The following RABGAP1 variants were observed in gnomAD, a reference collection of about 807,000 sequenced individuals.
RABGAP1 encodes the protein RAB GTPase activating protein 1, also known as rab GTPase-activating protein 1.
A neutral mutation model predicts 137.6 loss-of-function variants in RABGAP1; 23 were observed. That is an observed-to-expected ratio of 0.17 (90% CI 0.12 to 0.24). The LOEUF (loss-of-function observed/expected upper bound fraction) is 0.24, where lower values mean the gene tolerates loss of function less well. RABGAP1 is among the 10% of genes least tolerant of loss of function. RABGAP1 has a pLI of 1.00. For synonymous variants in RABGAP1, 451 were observed against 450.7 expected, an observed-to-expected ratio of 1.00 and a Z score of -0.01; for missense variants, 906 against 1,275.8, an observed-to-expected ratio of 0.71 and a Z score of 4.42.
In RABGAP1 at chr9:122,996,539, G is replaced by A. The variant is rs1158331137; in HGVS notation, c.1035G>A (p.Arg345=). The change falls in exon 8 of 26, where the codon AGG becomes AGA. Residue 345 remains arginine (R), a splice_region_variant and synonymous_variant. Coordinates refer to ENST00000373647, the MANE Select transcript of RABGAP1 (RefSeq NM_012197.4). The part of the protein sequence containing the change: ...QTTNKELAIE[R]CFGLLLSPGK... Reference sequence around the variant, plus strand: ...ATTTATGTCAGTTCTTTTTTTGTAGGTGTTTTGGTCTTCTCCTTAGTCCAG... The same window carrying A: ...ATTTATGTCAGTTCTTTTTTTGTAGATGTTTTGGTCTTCTCCTTAGTCCAG... 1 of 1,600,646 alleles carries A rather than the reference G, an allele frequency of 6.2e-7. No individual in the cohort carries two copies. Among genetic ancestry groups the A allele is most frequent in the Non-Finnish European group, 8.5e-7 (1 of 1,174,604 alleles).
chr9:123,046,959 A>T (rs1261262588), intron 13 of RABGAP1, among the ~76,000 whole-genome samples: 1 of 152,212 alleles, frequency 6.6e-6, no homozygotes, highest in Non-Finnish European at 1.5e-5. Flanking sequence ...ATAGTGACAG[A>T]GTTAATTATT....
At chr9:123,020,848 T>G in intron 13 of RABGAP1, 1 of 813,026 alleles carries the variant, frequency 1.2e-6, no homozygotes, top group South Asian at 5.6e-5. Context: ...CTTCTGCAAC[T>G]GTAAGAAAAT....
the RABGAP1 span, among the ~76,000 whole-genome samples, chr9:122,933,058 G>A: frequency 5.9e-5 from 9 of 152,076 alleles, no homozygotes; most frequent in African/African-American, 2.2e-4. Context: ...GCTCTTGCTG[G>A]GTGGAATGTT....
intron 21 of RABGAP1, among the ~76,000 whole-genome samples, chr9:123,091,369 C>G (rs2035027574): frequency 6.6e-6 from 1 of 152,144 alleles, no homozygotes; most frequent in South Asian, 2.1e-4. Flanking sequence ...TGTACTCATG[C>G]ATTTCCTTGA....
intron 13 of RABGAP1, among the ~76,000 whole-genome samples, chr9:123,036,873 T>C (rs1392265677): frequency 6.6e-6 from 1 of 152,146 alleles, no homozygotes. Flanking sequence ...ATAATTCTTC[T>C]ATAGAATTAT....
At chr9:123,029,083 C>G (rs572052525) in intron 13 of RABGAP1, among the ~76,000 whole-genome samples, 2 of 152,006 alleles carry the variant, frequency 1.3e-5, no homozygotes, top group Non-Finnish European at 2.9e-5. Flanking sequence ...ATAATTTCAA[C>G]TTGGATTGGG....
In RABGAP1 at chr9:122,949,148, G is replaced by C. The variant is rs1834091995; in HGVS notation, c.-49-7863G>C. 2.0e-5 allele frequency among the ~76,000 whole-genome samples: 3 copies of C among 152,176 alleles called. No individual in the cohort carries two copies. The South Asian group carries it at 6.2e-4, about 31-fold the overall frequency. Reference sequence around the variant, plus strand: ...CCCAGCACTTGGGGAGGCTGAGGCAGGTGGATCATTTGAGGTCAGGAGTTT... The same window carrying C: ...CCCAGCACTTGGGGAGGCTGAGGCACGTGGATCATTTGAGGTCAGGAGTTT... On this transcript the variant is annotated intron_variant, in intron 1 of 25. Coordinates refer to ENST00000373647, the MANE Select transcript of RABGAP1 (RefSeq NM_012197.4).
At position 123,103,999 on chromosome 9, in the gene RABGAP1, G is replaced by GTGTGTGTGTATGTA. The variant is rs1554734427; in HGVS notation, c.*787_*788insGTGTGTGTATGTAT. 1.7e-5 allele frequency: 2 copies of GTGTGTGTGTATGTA among 120,064 alleles called. No homozygotes were observed. Among genetic ancestry groups the GTGTGTGTGTATGTA allele is most frequent in the African/African-American group, 2.8e-5 (1 of 36,296 alleles). The allele number at this position is 120,064 out of a possible 1,614,324, so 7.4% of individuals were successfully genotyped here. Reference sequence around the variant, plus strand: ...TGTGTGTGTGTGTGTGTGTGTGTATGTATATATATATATAAATATCTTTCC... The same window carrying GTGTGTGTGTATGTA: ...TGTGTGTGTGTGTGTGTGTGTGTATGTGTGTGTGTATGTATATATATATATATAAATATCTTTCC... On this transcript the variant is annotated 3_prime_UTR_variant, in exon 26 of 26. Transcript: ENST00000373647.
intron 13 of RABGAP1, chr9:123,034,331 G>T: frequency 1.9e-6 from 1 of 535,792 alleles, no homozygotes; most frequent in Non-Finnish European, 3.3e-6. Context: ...CACTATGGCC[G>T]CGTCTGGGAC....
At chr9:122,995,382 C>G (rs560144790) in intron 6 of RABGAP1, among the ~76,000 whole-genome samples, 1 of 152,034 alleles carries the variant, frequency 6.6e-6, no homozygotes, top group Non-Finnish European at 1.5e-5. Context: ...AATAATCTAT[C>G]TGTAAAGCCC....
chr9:122,949,070 T>C (rs1834086543), intron 1 of RABGAP1, among the ~76,000 whole-genome samples: 1 of 152,180 alleles, frequency 6.6e-6, no homozygotes, highest in African/African-American at 2.4e-5. Context: ...TTGATCAATA[T>C]AGCGGAGTAG....
chr9:122,953,067 T>A (rs376939245), intron 1 of RABGAP1, among the ~76,000 whole-genome samples: 33 of 152,346 alleles, frequency 2.2e-4, no homozygotes, highest in African/African-American at 6.0e-4. Flanking sequence ...GAAATTAATT[T>A]ATTTATTTTT....
chr9:123,001,386 T>A (rs1837318875), intron 10 of RABGAP1, among the ~76,000 whole-genome samples: 1 of 152,228 alleles, frequency 6.6e-6, no homozygotes, highest in African/African-American at 2.4e-5. Context: ...TGAAAGTGTA[T>A]GTGGGGCTTA....
chr9:123,068,754 C>T lies in RABGAP1; in HGVS notation c.1909-1596C>T, dbSNP rs1406335243. On this transcript the variant is annotated intron_variant, in intron 14 of 25. Transcript: ENST00000373647. Reference sequence around the variant, plus strand: ...TGAATTCTACGAAAATTTATTAATGCGTGATCATAATGTATGTATTTTTAA... The same window carrying T: ...TGAATTCTACGAAAATTTATTAATGTGTGATCATAATGTATGTATTTTTAA... Among the ~76,000 whole-genome samples, 6 of 152,194 alleles carry T rather than the reference C, an allele frequency of 3.9e-5. No individual in the cohort carries two copies. The East Asian group carries it at 5.8e-4, about 15-fold the overall frequency.
chr9:123,002,704 AATATT>A (rs71388337), intron 10 of RABGAP1, among the ~76,000 whole-genome samples: 94,025 of 151,458 alleles, frequency 0.62, 36,391 homozygotes, highest in Non-Finnish European at 0.86. Context: ...AAACTTTTAA[AATATT>A]ATCATACAGT....
chr9:122,972,205 G>C (rs563575128), intron 2 of RABGAP1, among the ~76,000 whole-genome samples: 1 of 152,142 alleles, frequency 6.6e-6, no homozygotes, highest in Non-Finnish European at 1.5e-5. Flanking sequence ...GAGGCAGGAG[G>C]ATCACTGGAG....
chr9:122,952,528 A>G (rs566378416), intron 1 of RABGAP1, among the ~76,000 whole-genome samples: 1 of 152,032 alleles, frequency 6.6e-6, no homozygotes, highest in Non-Finnish European at 1.5e-5. Context: ...TCGGCCTCCC[A>G]AAGTGCTGGG....
chr9:123,048,582 T>C (rs1165543594), intron 13 of RABGAP1, among the ~76,000 whole-genome samples: 7 of 152,218 alleles, frequency 4.6e-5, no homozygotes, highest in East Asian at 1.9e-4. Flanking sequence ...GCATTTGATA[T>C]GCAGTTTACT....
chr9:122,949,835 A>G (rs1228625436), intron 1 of RABGAP1, among the ~76,000 whole-genome samples: 1 of 152,048 alleles, frequency 6.6e-6, no homozygotes, highest in Non-Finnish European at 1.5e-5. Flanking sequence ...GGAAAGGGGG[A>G]GGTTGAATAC....
Sources: allele counts gnomAD v4.1 joint callset (sites outside exome capture counted in the v4.1 genomes callset), GRCh38; gene constraint gnomAD v4.1.1; transcripts MANE v1.5; gene names NCBI Gene and HGNC (gene_info 2026-07-23, HGNC 2026-07-21).